ZNF627: variants seen among roughly 807,000 people sequenced by gnomAD.
ZNF627 encodes the protein zinc finger protein 627.
A neutral mutation model predicts 10.6 loss-of-function variants in ZNF627; 12 were observed. The observed-to-expected ratio is 1.13, with a 90% confidence interval of 0.73 to 1.84. The LOEUF is 1.84. Among genes scored for constraint, ZNF627 ranks in the 40% most tolerant of loss-of-function variants. The pLI, the probability that ZNF627 is intolerant of heterozygous loss-of-function variation, is 0.00. For synonymous variants in ZNF627, 176 were observed against 187.1 expected (o/e 0.94, Z 0.48); for missense variants, 504 against 568.4 (o/e 0.89, Z 1.15).
intron 3 of ZNF627, 56 bp from the exon 4 acceptor site, chr19:11,616,639 T>C: frequency 6.6e-6 from 8 of 1,207,936 alleles, no homozygotes; most frequent in Non-Finnish European, 8.0e-6. Context: ...TATTAATAAA[T>C]ATAAAATCAT....
At chr19:11,601,693 A>C (rs9789280) in intron 1 of ZNF627, among the ~76,000 whole-genome samples, 14,678 of 151,918 alleles carry the variant, frequency 0.097, 792 homozygotes, top group Middle Eastern at 0.15. Context: ...GAAAGGGGAG[A>C]AGGCACCAAG....
intron 1 of ZNF627, among the ~76,000 whole-genome samples, chr19:11,601,253 A>T (rs1014637129): frequency 6.6e-6 from 1 of 152,196 alleles, no homozygotes; most frequent in Non-Finnish European, 1.5e-5. Flanking sequence ...CTGAGAATGT[A>T]CTTGCTATTA....
Position 11,616,742 on chromosome 19 carries a change from A to T in ZNF627, c.239A>T (p.Glu80Val). Residue 80 changes from glutamate (E) to valine (V), a missense_variant, in exon 4 of 4, where the codon GAA becomes GTA. Glu to Val is a moderately radical substitution (Grantham distance 121). Coordinates refer to ENST00000361113, the MANE Select transcript of ZNF627 (RefSeq NM_145295.4). ...LCESKEGGQG[E>V]ETFSQIPDGI... ...GAAAGTAAAGAAGGTGGTCAAGGTG[A>T]AGAAACCTTCAGCCAGATTCCAGAT... The T allele has an allele frequency of 1.2e-6, 2 of 1,610,138 alleles. No individual in the cohort carries two copies.
chr19:11,610,047 ATTTTT>A (rs71166614), intron 1 of ZNF627, among the ~76,000 whole-genome samples: 148 of 114,814 alleles, frequency 1.3e-3, no homozygotes, highest in African/African-American at 3.6e-3. Flanking sequence ...TGGGATTTGA[ATTTTT>A]TTTTTTTTTT....
intron 1 of ZNF627, among the ~76,000 whole-genome samples, chr19:11,599,867 A>G (rs1240021266): frequency 6.6e-6 from 1 of 152,034 alleles, no homozygotes; most frequent in Admixed American, 6.6e-5. Context: ...AGATCACACC[A>G]CTGCACCCCA....
At chr19:11,614,769 A>G (rs905163264) in intron 2 of ZNF627, 58 bp from the exon 3 acceptor site, 1 of 1,590,958 alleles carries the variant, frequency 6.3e-7, no homozygotes, top group Non-Finnish European at 8.5e-7. Flanking sequence ...ATAGAATCTA[A>G]TACTTTTTTC....
At chr19:11,601,731 G>C (rs1404027820) in intron 1 of ZNF627, among the ~76,000 whole-genome samples, 3 of 151,948 alleles carry the variant, frequency 2.0e-5, no homozygotes, top group African/African-American at 7.3e-5. Flanking sequence ...TCTCAGGCTG[G>C]GCGTGGTGGC....
At position 11,617,597 on chromosome 19, in the gene ZNF627, G is replaced by C; in HGVS notation, c.1094G>C (p.Cys365Ser). 1 of 1,613,860 alleles carries C rather than the reference G, an allele frequency of 6.2e-7. No individual in the cohort carries two copies. Among genetic ancestry groups the C allele is most frequent in the Non-Finnish European group, 8.5e-7 (1 of 1,179,964 alleles). ...RTHTGEKPYD[C>S]KQCGKAFSCS... ...CACACTGGAGAGAAACCCTATGATT[G>C]TAAGCAATGTGGGAAAGCCTTCAGT... The change falls in exon 4 of 4, where the codon TGT (cysteine) becomes TCT (serine). Residue 365 changes from cysteine (C) to serine (S), a missense_variant. Physicochemically the swap from Cys to Ser is moderately radical, Grantham distance 112. Coordinates refer to ENST00000361113, the MANE Select transcript of ZNF627 (RefSeq NM_145295.4).
chr19:11,614,668 A>G lies in ZNF627; in HGVS notation c.130+15A>G, dbSNP rs765239401. On this transcript the variant is annotated intron_variant, in intron 2 of 3. Coordinates refer to ENST00000361113, the MANE Select transcript of ZNF627 (RefSeq NM_145295.4). ...GGCTTCTGTAGGTAAGGGTGACAAT[A>G]TTCCTTTCCTCAGTGAATTAGAGAA... is the stretch of plus-strand genomic sequence containing the variant. The G allele has an allele frequency of 1.2e-5, 19 of 1,613,574 alleles. No individual in the cohort carries two copies. The highest frequency in any genetic ancestry group is 1.6e-5 in the Non-Finnish European group (19 of 1,179,946).
intron 1 of ZNF627, among the ~76,000 whole-genome samples, chr19:11,612,151 C>T (rs868584255): frequency 8.5e-6 from 1 of 117,184 alleles, no homozygotes; most frequent in Non-Finnish European, 1.6e-5. Context: ...GATGGAGTCT[C>T]GCTCTGTCGC....
chr19:11,612,911 C>T (rs1194769238), intron 1 of ZNF627, among the ~76,000 whole-genome samples: 1 of 151,750 alleles, frequency 6.6e-6, no homozygotes, highest in Non-Finnish European at 1.5e-5. Context: ...TCCACCCTCA[C>T]CCTCTTCCAA....
At chr19:11,597,724 G>A (rs577575039) in intron 1 of ZNF627, 94 bp downstream of exon 1, 4 of 1,260,872 alleles carry the variant, frequency 3.2e-6, no homozygotes, top group African/African-American at 3.1e-5. Flanking sequence ...CCTCCCTGCG[G>A]CGACTCCGGG....
intron 1 of ZNF627, among the ~76,000 whole-genome samples, chr19:11,601,987 CAG>C (rs1323640551): frequency 2.7e-4 from 31 of 115,250 alleles, no homozygotes; most frequent in Non-Finnish European, 1.3e-4. Context: ...GCCTGGGCGA[CAG>C]AGTGAGACTC....
chr19:11,598,351 A>G (rs1973528607), intron 1 of ZNF627, among the ~76,000 whole-genome samples: 1 of 152,164 alleles, frequency 6.6e-6, no homozygotes, highest in Admixed American at 6.6e-5. Context: ...CTCGCAATAT[A>G]GCGAGACCCC....
chr19:11,612,477 AG>A (rs1328500876), intron 1 of ZNF627, among the ~76,000 whole-genome samples: 1 of 128,356 alleles, frequency 7.8e-6, no homozygotes, highest in Non-Finnish European at 1.6e-5. Context: ...GCTGGAGTGC[AG>A]TGGGGCAATC....
rs928655929 is a variant in ZNF627 at position 11,619,108 on chromosome 19, C to A, written c.*1219C>A. ...CTGTTGTCAAAGAGGGTGTAATAAACTGTAATAATAATCATGACCACAAAC... is the reference window on the plus strand; with the variant it reads ...CTGTTGTCAAAGAGGGTGTAATAAAATGTAATAATAATCATGACCACAAAC... On this transcript the variant is annotated 3_prime_UTR_variant, in exon 4 of 4. Coordinates refer to ENST00000361113, the MANE Select transcript of ZNF627 (RefSeq NM_145295.4). 1 of 152,124 alleles carries A rather than the reference C, an allele frequency of 6.6e-6. No homozygotes were observed. The highest frequency in any genetic ancestry group is 1.5e-5 in the Non-Finnish European group (1 of 68,032). 9.4% of individuals were successfully genotyped at this position (152,124 alleles called of 1,614,324 possible).
chr19:11,617,306 T>C lies in ZNF627; in HGVS notation c.803T>C (p.Ile268Thr). 1.2e-6 allele frequency: 2 copies of C among 1,613,558 alleles called. No individual in the cohort carries two copies. The highest frequency in any genetic ancestry group is 1.7e-6 in the Non-Finnish European group (2 of 1,179,932). The change falls in exon 4 of 4, where the codon ATC (isoleucine) becomes ACC (threonine). Residue 268 changes from isoleucine to threonine, a missense_variant. Ile to Thr is a moderately conservative substitution (Grantham distance 89). Coordinates refer to ENST00000361113, the MANE Select transcript of ZNF627 (RefSeq NM_145295.4). ...TTCAGTTGTTCCAAGTACATTCGAA[T>C]CCATGAACGAACTCACACAGGAGAG... ...KAFSCSKYIR[I>T]HERTHTGEKP...
chr19:11,600,967 C>G (rs772948846), intron 1 of ZNF627, among the ~76,000 whole-genome samples: 2 of 152,160 alleles, frequency 1.3e-5, no homozygotes, highest in South Asian at 2.1e-4. Context: ...AGTGATTTTA[C>G]TGGAATCTTC....
chr19:11,608,292 G>A (rs1256203919), intron 1 of ZNF627, among the ~76,000 whole-genome samples: 1 of 152,126 alleles, frequency 6.6e-6, no homozygotes, highest in East Asian at 1.9e-4. Context: ...TGAGATTTGG[G>A]TGGGGGCACA....
Sources: gnomAD v4.1 joint callset for allele counts (sites outside exome capture counted in the v4.1 genomes callset) on GRCh38, gnomAD v4.1.1 for gene constraint, MANE v1.5 for transcripts, NCBI Gene and HGNC (gene_info 2026-07-23, HGNC 2026-07-21) for gene names.